UHRF2: variants seen among roughly 807,000 people sequenced by gnomAD.
UHRF2 encodes E3 ubiquitin-protein ligase UHRF2.
In UHRF2, 23 loss-of-function variants were observed where a neutral mutation model predicts 96.8. That is an observed-to-expected ratio of 0.24 (90% CI 0.17 to 0.34). The LOEUF is 0.34. Ranked by LOEUF, UHRF2 falls within the 10% of genes least tolerant of loss-of-function variation. The pLI is 1.00. For synonymous variants in UHRF2, 385 were observed against 332.6 expected (o/e 1.16, Z -1.72); for missense variants, 685 against 981.5 (o/e 0.70, Z 4.04).
chr9:6,451,950 T>C (rs199567263), intron 3 of UHRF2, among the ~76,000 whole-genome samples: 4 of 152,122 alleles, frequency 2.6e-5, no homozygotes, highest in Non-Finnish European at 5.9e-5. Context: ...GGTTTACGCT[T>C]CTGTTTTAAT....
intron 11 of UHRF2, 52 bp downstream of exon 11, chr9:6,497,412 G>T (rs1245562542): frequency 1.3e-6 from 2 of 1,594,260 alleles, no homozygotes; most frequent in African/African-American, 1.3e-5. Context: ...GGCTTTCAAG[G>T]CAGGGTTGTT....
chr9:6,438,559 A>G (rs956987560), intron 3 of UHRF2, among the ~76,000 whole-genome samples: 14 of 152,174 alleles, frequency 9.2e-5, no homozygotes, highest in Admixed American at 6.5e-4. Context: ...CCTGTGCACA[A>G]TTGTGTCTGC....
In UHRF2 at chr9:6,431,890, T is replaced by C. The variant is rs539665703; in HGVS notation, c.385-2024T>C. ...TGTTACCATTTTAGTATCAACTATA[T>C]GCTGCATTCTCTGCTATGCAATATT... On this transcript the variant is annotated intron_variant, in intron 2 of 15. Transcript: ENST00000276893. 2.8e-4 allele frequency among the ~76,000 whole-genome samples: 42 copies of C among 152,248 alleles called. 1 individual carries two copies. The highest frequency in any genetic ancestry group is 1.0e-4 in the Non-Finnish European group (7 of 68,044).
chr9:6,483,836 T>C (rs1316290861), intron 8 of UHRF2, among the ~76,000 whole-genome samples: 1 of 152,090 alleles, frequency 6.6e-6, no homozygotes, highest in African/African-American at 2.4e-5. Flanking sequence ...ATTACAGGCA[T>C]GCACCACCAC....
chr9:6,420,971 G>C lies in UHRF2; in HGVS notation c.213G>C (p.Leu71=). 1 of 1,614,146 alleles carries C rather than the reference G, an allele frequency of 6.2e-7. No individual in the cohort carries two copies. The highest frequency in any genetic ancestry group is 8.5e-7 in the Non-Finnish European group (1 of 1,180,026). Reference sequence around the variant, plus strand: ...TTGGACTGAATGATATAATTCAGCTGCTAGTTCGCCCAGACCCTGATCATC... The same window carrying C: ...TTGGACTGAATGATATAATTCAGCTCCTAGTTCGCCCAGACCCTGATCATC... ...YDVGLNDIIQ[L]LVRPDPDHLP... is the part of the protein sequence containing the mutation. The change falls in exon 2 of 16, where the codon CTG becomes CTC. Residue 71 remains leucine, a synonymous_variant. Transcript: ENST00000276893.
chr9:6,475,636 G>T (rs1198944310), intron 5 of UHRF2, 136 bp downstream of exon 5: 2 of 390,998 alleles, frequency 5.1e-6, no homozygotes, highest in Non-Finnish European at 9.1e-6. Context: ...CAACAGTTTT[G>T]ATCTAAGATT....
chr9:6,445,137 A>AC (rs1469378637), intron 3 of UHRF2, among the ~76,000 whole-genome samples: 60 of 151,364 alleles, frequency 4.0e-4, no homozygotes, highest in African/African-American at 1.4e-3. Context: ...ATTTAAAAAA[A>AC]AAAAAAAAAA....
intron 2 of UHRF2, among the ~76,000 whole-genome samples, 198 bp from the exon 3 acceptor site, chr9:6,433,716 G>T (rs1365285151): frequency 6.6e-6 from 1 of 152,220 alleles, no homozygotes; most frequent in African/African-American, 2.4e-5. Flanking sequence ...AAGAAAGTTA[G>T]TTTTCATCTT....
chr9:6,484,109 A>G (rs1232555666), intron 8 of UHRF2, among the ~76,000 whole-genome samples: 2 of 142,040 alleles, frequency 1.4e-5, no homozygotes, highest in East Asian at 2.1e-4. Context: ...GTCTTGCTCT[A>G]TCACCCAGGC....
chr9:6,450,997 G>C (rs1821824298), intron 3 of UHRF2, among the ~76,000 whole-genome samples: 1 of 152,144 alleles, frequency 6.6e-6, no homozygotes, highest in Non-Finnish European at 1.5e-5. Flanking sequence ...AATATTGATA[G>C]TTCCAATTAA....
chr9:6,414,592 G>GTTGTTAATA (rs1819482473), intron 1 of UHRF2, among the ~76,000 whole-genome samples: 1 of 152,080 alleles, frequency 6.6e-6, no homozygotes, highest in Admixed American at 6.6e-5. Flanking sequence ...TCTTCATGTT[G>GTTGTTAATA]TTGTTAATAC....
At chr9:6,467,259 C>T (rs1822923453) in intron 4 of UHRF2, among the ~76,000 whole-genome samples, 1 of 152,318 alleles carries the variant, frequency 6.6e-6, no homozygotes. Flanking sequence ...TCAAAGCCAA[C>T]GATGTTGCTT....
chr9:6,446,690 G>A (rs531571), intron 3 of UHRF2, among the ~76,000 whole-genome samples: 3 of 151,690 alleles, frequency 2.0e-5, no homozygotes, highest in African/African-American at 7.2e-5. Context: ...CGTCTCTATA[G>A]GAAAATTTGC....
intron 9 of UHRF2, chr9:6,492,763 G>A (rs1224556812): frequency 1.3e-5 from 2 of 148,816 alleles, no homozygotes; most frequent in Non-Finnish European, 3.0e-5. Context: ...TTCAAGTACT[G>A]AATCAGATAG....
chr9:6,422,134 C>T (rs1200489485), intron 2 of UHRF2, among the ~76,000 whole-genome samples: 1 of 152,200 alleles, frequency 6.6e-6, no homozygotes, highest in African/African-American at 2.4e-5. Context: ...CCACAGGGTA[C>T]TGCCAAACTA....
chr9:6,480,416 C>G (rs1314327544), intron 6 of UHRF2, among the ~76,000 whole-genome samples: 1 of 152,214 alleles, frequency 6.6e-6, no homozygotes, highest in Non-Finnish European at 1.5e-5. Flanking sequence ...AGGTTCTGAA[C>G]AAACCTGTTG....
At chr9:6,433,822 C>A in intron 2 of UHRF2, 92 bp from the exon 3 acceptor site, 1 of 1,340,124 alleles carries the variant, frequency 7.5e-7, no homozygotes, top group Non-Finnish European at 1.0e-6. Flanking sequence ...TATTGTTTAC[C>A]ATGATAACCC....
chr9:6,435,014 A>G (rs760857769), intron 3 of UHRF2, among the ~76,000 whole-genome samples: 75 of 146,192 alleles, frequency 5.1e-4, no homozygotes, highest in Non-Finnish European at 9.6e-4. Context: ...TTTTTTTTTT[A>G]ATTTTAGTTT....
chr9:6,496,484 C>T (rs1320093623), intron 10 of UHRF2: 1 of 152,134 alleles, frequency 6.6e-6, no homozygotes, highest in Non-Finnish European at 1.5e-5. Context: ...TAAATAAGTT[C>T]CAGCTAAGTC....
Sources: gnomAD v4.1 joint callset for allele counts (sites outside exome capture counted in the v4.1 genomes callset) on GRCh38, gnomAD v4.1.1 for gene constraint, MANE v1.5 for transcripts, NCBI Gene and HGNC (gene_info 2026-07-23, HGNC 2026-07-21) for gene names.